Variants in TMOD3 observed in about 807,000 individuals in gnomAD.
The protein encoded by TMOD3 is tropomodulin-3.
Under a neutral mutation model 39.2 loss-of-function variants are expected in TMOD3, and 20 were observed. That is an observed-to-expected ratio of 0.51 (90% CI 0.36 to 0.74). The LOEUF (loss-of-function observed/expected upper bound fraction) is 0.74. Ranked by LOEUF, TMOD3 falls within the 30% of genes least tolerant of loss-of-function variation. The pLI is 0.00. For missense variants in TMOD3, 381 were observed against 412.8 expected, an observed-to-expected ratio of 0.92 and a Z score of 0.67; for synonymous variants, 143 against 145.8, an observed-to-expected ratio of 0.98 and a Z score of 0.14.
At chr15:51,876,525 G>T (rs1377686577) in intron 3 of TMOD3, among the ~76,000 whole-genome samples, 1 of 147,728 alleles carries the variant, frequency 6.8e-6, no homozygotes, top group African/African-American at 2.5e-5. Context: ...GCAGTGGTGT[G>T]ATCTCGGCTC....
chr15:51,898,409 C>G (rs572787531), intron 7 of TMOD3, among the ~76,000 whole-genome samples: 68 of 152,288 alleles, frequency 4.5e-4, no homozygotes, highest in Middle Eastern at 3.4e-3. Flanking sequence ...CCCCATCTAC[C>G]CTATTGTGCC....
intron 7 of TMOD3, among the ~76,000 whole-genome samples, chr15:51,897,810 T>C (rs1055000785): frequency 2.1e-5 from 3 of 145,584 alleles, no homozygotes; most frequent in Non-Finnish European, 4.5e-5. Context: ...AAAAAACTAA[T>C]GGAATCATTC....
At chr15:51,895,612 T>C (rs1392531524) in intron 6 of TMOD3, among the ~76,000 whole-genome samples, 1 of 152,116 alleles carries the variant, frequency 6.6e-6, no homozygotes, top group African/African-American at 2.4e-5. Flanking sequence ...GGAATTGAAG[T>C]CTCAAGATAC....
At chr15:51,861,797 G>A (rs12913629) in intron 1 of TMOD3, among the ~76,000 whole-genome samples, 109 of 151,762 alleles carry the variant, frequency 7.2e-4, no homozygotes, top group Non-Finnish European at 1.2e-3. Context: ...AGCTGGGACC[G>A]CAGGTGTATA....
Position 51,911,906 on chromosome 15 carries a change from T to G in TMOD3, c.*3096T>G, listed in dbSNP as rs1048726809. 2.0e-5 allele frequency: 3 copies of G among 152,194 alleles called. No individual in the cohort carries two copies. Among genetic ancestry groups the G allele is most frequent in the Non-Finnish European group, 4.4e-5 (3 of 68,028 alleles). 9.4% of individuals were successfully genotyped at this position (152,194 alleles called of 1,614,324 possible). A position where few individuals can be genotyped will look rare whatever the true frequency, so the allele number is the denominator to read the frequency against. On this transcript the variant is annotated 3_prime_UTR_variant, in exon 10 of 10. Coordinates refer to ENST00000308580, the MANE Select transcript of TMOD3 (RefSeq NM_014547.5). Reference sequence around the variant, plus strand: ...AAAAGACCAAATAAGCATTTTGTATTAAATAAATTAGCAGATGGTTAGAGA... The same window carrying G: ...AAAAGACCAAATAAGCATTTTGTATGAAATAAATTAGCAGATGGTTAGAGA...
At chr15:51,851,408 G>A (rs1368465326) in intron 1 of TMOD3, among the ~76,000 whole-genome samples, 1 of 152,180 alleles carries the variant, frequency 6.6e-6, no homozygotes, top group East Asian at 1.9e-4. Context: ...AATGATACCA[G>A]AAATGGCATT....
In TMOD3 at chr15:51,909,937, T is replaced by C. The variant is rs369105040; in HGVS notation, c.*1127T>C. On this transcript the variant is annotated 3_prime_UTR_variant, in exon 10 of 10. Transcript: ENST00000308580. The stretch of plus-strand genomic sequence containing the variant: ...ATATGCTTCCTTTCATCTTATACTT[T>C]TATCAATATTTATAAAAGTCATTTC... 6.6e-6 allele frequency: 1 copy of C among 152,250 alleles called. No individual in the cohort carries two copies. The highest frequency in any genetic ancestry group is 1.5e-5 in the Non-Finnish European group (1 of 68,046). The allele number at this position is 152,250 out of a possible 1,614,324, so 9.4% of individuals were successfully genotyped here.
chr15:51,841,617 G>T (rs973131359), intron 1 of TMOD3, among the ~76,000 whole-genome samples: 4 of 152,124 alleles, frequency 2.6e-5, no homozygotes, highest in Admixed American at 2.6e-4. Flanking sequence ...TCTTTCATCA[G>T]TTCTGCTTTC....
chr15:51,854,506 C>T (rs912842638), intron 1 of TMOD3, among the ~76,000 whole-genome samples: 6 of 152,290 alleles, frequency 3.9e-5, no homozygotes, highest in African/African-American at 1.4e-4. Context: ...GTTAACAACT[C>T]ATAGACTATC....
intron 1 of TMOD3, among the ~76,000 whole-genome samples, chr15:51,841,873 G>A (rs1457806800): frequency 2.6e-5 from 4 of 152,126 alleles, no homozygotes; most frequent in East Asian, 3.9e-4. Context: ...GTGTTCAAGC[G>A]ATTCTCCTAC....
At position 51,869,274 on chromosome 15, in the gene TMOD3, G is replaced by C; in HGVS notation, c.184G>C (p.Gly62Arg). The change falls in exon 3 of 10, where the codon GGG (glycine) becomes CGG (arginine). Residue 62 changes from glycine (G) to arginine (R), a missense_variant. Transcript: ENST00000308580. The part of the protein sequence containing the change: ...QKNQTSKSTT[G>R]PFDREHLLSY... Reference sequence around the variant, plus strand: ...GAACCAGACATCAAAGTCCACCACAGGGCCATTTGATAGAGAGCATCTCCT... The same window carrying C: ...GAACCAGACATCAAAGTCCACCACACGGCCATTTGATAGAGAGCATCTCCT... 6.2e-7 allele frequency: 1 copy of C among 1,614,160 alleles called. No homozygotes were observed. Among genetic ancestry groups the C allele is most frequent in the Non-Finnish European group, 8.5e-7 (1 of 1,180,024 alleles).
At chr15:51,881,067 CTGAG>C (rs1210332886) in intron 3 of TMOD3, among the ~76,000 whole-genome samples, 1 of 152,106 alleles carries the variant, frequency 6.6e-6, no homozygotes, top group Admixed American at 6.6e-5. Context: ...ACTAATGATA[CTGAG>C]TATTTTTTCA....
intron 3 of TMOD3, among the ~76,000 whole-genome samples, chr15:51,870,999 G>A (rs2056472041): frequency 6.6e-6 from 1 of 151,998 alleles, no homozygotes; most frequent in African/African-American, 2.4e-5. Flanking sequence ...GAGGTTAATT[G>A]GCTTTACTTA....
intron 1 of TMOD3, among the ~76,000 whole-genome samples, chr15:51,846,058 G>A (rs2056334032): frequency 1.3e-5 from 2 of 151,298 alleles, no homozygotes; most frequent in South Asian, 2.1e-4. Flanking sequence ...GCTCACACCT[G>A]TTATCCCAGC....
chr15:51,907,560 C>T (rs768070932), intron 9 of TMOD3, among the ~76,000 whole-genome samples: 1 of 152,228 alleles, frequency 6.6e-6, no homozygotes, highest in Non-Finnish European at 1.5e-5. Context: ...GGCCAGGACA[C>T]CAGGTGTACC....
At chr15:51,846,701 C>G (rs2056337604) in intron 1 of TMOD3, among the ~76,000 whole-genome samples, 1 of 152,200 alleles carries the variant, frequency 6.6e-6, no homozygotes, top group African/African-American at 2.4e-5. Flanking sequence ...GTTTTGTTCA[C>G]AGTAGGACTG....
intron 1 of TMOD3, among the ~76,000 whole-genome samples, chr15:51,832,203 T>TTATATATATATATATATATATA (rs3985812): frequency 0.014 from 1,075 of 78,960 alleles, 64 homozygotes; most frequent in Non-Finnish European, 0.017. Context: ...AGAAAAAAAA[T>TTATATATATATATATATATATA]TATATATATA....
intron 1 of TMOD3, among the ~76,000 whole-genome samples, chr15:51,833,681 A>G (rs941031758): frequency 4.6e-5 from 7 of 152,206 alleles, no homozygotes; most frequent in African/African-American, 1.7e-4. Flanking sequence ...GTTGTTGGCA[A>G]GTATCAGTGG....
chr15:51,840,536 G>A (rs1156713507), intron 1 of TMOD3, among the ~76,000 whole-genome samples: 1 of 152,194 alleles, frequency 6.6e-6, no homozygotes, highest in Non-Finnish European at 1.5e-5. Context: ...TGAGAAAACA[G>A]AGGGACAAAA....
Sources: gnomAD v4.1 joint callset for allele counts (sites outside exome capture counted in the v4.1 genomes callset) on GRCh38, gnomAD v4.1.1 for gene constraint, MANE v1.5 for transcripts, NCBI Gene and HGNC (gene_info 2026-07-23, HGNC 2026-07-21) for gene names.